ANKRD17: variants seen among roughly 807,000 people sequenced by gnomAD.
ANKRD17 encodes ankyrin repeat domain 17, also known as ankyrin repeat domain-containing protein 17.
In ANKRD17, 19 loss-of-function variants were observed where a neutral mutation model predicts 229.7. That is an observed-to-expected ratio of 0.08 (90% confidence interval 0.06 to 0.12). ANKRD17 has a LOEUF of 0.12. Ranked by LOEUF, ANKRD17 falls within the 10% of genes least tolerant of loss-of-function variation. The pLI is 1.00. For missense variants in ANKRD17, 2,176 were observed against 3,176.8 expected, an observed-to-expected ratio of 0.68 and a Z score of 7.57; for synonymous variants, 1,112 against 1,146.1, an observed-to-expected ratio of 0.97 and a Z score of 0.60.
intron 1 of ANKRD17, among the ~76,000 whole-genome samples, chr4:73,247,502 A>G (rs1744605431): frequency 6.6e-6 from 1 of 152,112 alleles, no homozygotes; most frequent in Non-Finnish European, 1.5e-5. Context: ...GAACATTTAT[A>G]TTATGGAACA....
In ANKRD17 at chr4:73,074,084, T is replaced by C. The variant is rs1720865201; in HGVS notation, c.*2147A>G. On this transcript the variant is annotated 3_prime_UTR_variant, in exon 34 of 34. Coordinates refer to ENST00000358602, the MANE Select transcript of ANKRD17 (RefSeq NM_032217.5). ...AGTACAGACTTCTAAAACCATGGTA[T>C]TGTACTAAACAAGCCTGATCCCCAA... The C allele has an allele frequency of 6.6e-6, 1 of 151,990 alleles. No homozygotes were observed. The highest frequency in any genetic ancestry group is 2.1e-4 in the South Asian group (1 of 4,828). The allele number at this position is 151,990 out of a possible 1,614,324, so 9.4% of individuals were successfully genotyped here.
Position 73,154,770 on chromosome 4 carries a change from G to A in ANKRD17, c.1001-657C>T, listed in dbSNP as rs1003674196. Among the ~76,000 whole-genome samples, 9 of 152,082 alleles carry A rather than the reference G, an allele frequency of 5.9e-5. 1 individual carries two copies. The South Asian group carries it at 6.2e-4, about 10-fold the overall frequency. ...AAACATTTAATAACGGGCCGGGCGCGGTGGCTCACGCCTGTAATCCCAGCA... is the reference window on the plus strand; with the variant it reads ...AAACATTTAATAACGGGCCGGGCGCAGTGGCTCACGCCTGTAATCCCAGCA... On this transcript the variant is annotated intron_variant, in intron 5 of 33. Transcript: ENST00000358602.
intron 16 of ANKRD17, among the ~76,000 whole-genome samples, chr4:73,132,092 T>C (rs970372909): frequency 1.3e-5 from 2 of 151,898 alleles, no homozygotes; most frequent in Non-Finnish European, 2.9e-5. Flanking sequence ...ATTACCTGCT[T>C]GATATAAAAA....
intron 11 of ANKRD17, among the ~76,000 whole-genome samples, chr4:73,144,099 G>A (rs1463995642): frequency 6.6e-6 from 1 of 152,094 alleles, no homozygotes; most frequent in Non-Finnish European, 1.5e-5. Context: ...TTATACTTAA[G>A]AATATGATGA....
chr4:73,107,485 A>G (rs1354089540), intron 24 of ANKRD17, among the ~76,000 whole-genome samples: 1 of 152,226 alleles, frequency 6.6e-6, no homozygotes, highest in Non-Finnish European at 1.5e-5. Flanking sequence ...TGCATACATT[A>G]TAGTTTGTTA....
At chr4:73,142,814 C>T (rs1729777820) in intron 11 of ANKRD17, 47 bp from the exon 12 acceptor site, 2 of 1,557,180 alleles carry the variant, frequency 1.3e-6, no homozygotes, top group African/African-American at 2.8e-5. Context: ...AATGGTTTTT[C>T]TTAAAATTAT....
At chr4:73,139,283 GA>G (rs1729311951) in intron 15 of ANKRD17, among the ~76,000 whole-genome samples, 1 of 152,060 alleles carries the variant, frequency 6.6e-6, no homozygotes, top group South Asian at 2.1e-4. Context: ...CCCCACTACT[GA>G]AAAACCTAGA....
chr4:73,108,477 A>G (rs1183861399), intron 24 of ANKRD17, among the ~76,000 whole-genome samples: 2 of 152,188 alleles, frequency 1.3e-5, no homozygotes, highest in Non-Finnish European at 2.9e-5. Flanking sequence ...GCTAAAAGGT[A>G]GGGGAGAAGA....
rs1449494751 is a variant in ANKRD17, at chr4:73,161,200, C to T, written c.696G>A (p.Gln232=). The change falls in exon 3 of 34, where the codon CAG becomes CAA. Residue 232 remains glutamine, a synonymous_variant. Coordinates refer to ENST00000358602, the MANE Select transcript of ANKRD17 (RefSeq NM_032217.5). ...AGCAAAAATGTACTTACTTGTCCGA[C>T]TGCCCTGCATTTGCTGTGCTTTCAG... ...MRAESTANAG[Q]SDNRSLAEAC... is the part of the protein sequence containing the mutation. 1 of 1,612,646 alleles carries T rather than the reference C, an allele frequency of 6.2e-7. No individual in the cohort carries two copies. Among genetic ancestry groups the T allele is most frequent in the East Asian group, 2.2e-5 (1 of 44,890 alleles).
At chr4:73,127,786 T>C (rs1226453440) in intron 16 of ANKRD17, among the ~76,000 whole-genome samples, 2 of 152,240 alleles carry the variant, frequency 1.3e-5, no homozygotes, top group Non-Finnish European at 2.9e-5. Context: ...CACATTGTAT[T>C]TGTAGAATGT....
chr4:73,118,605 T>C (rs1726292361), intron 22 of ANKRD17, 83 bp downstream of exon 22: 2 of 1,467,342 alleles, frequency 1.4e-6, no homozygotes, highest in Non-Finnish European at 1.9e-6. Flanking sequence ...AAGCACAAAA[T>C]GAGTCTTTAG....
intron 1 of ANKRD17, among the ~76,000 whole-genome samples, chr4:73,257,930 T>A (rs1189997114): frequency 2.0e-5 from 3 of 152,012 alleles, no homozygotes; most frequent in Admixed American, 6.6e-5. Flanking sequence ...CGCCTCAGAC[T>A]AAGGTGGCCC....
chr4:73,105,959 T>C (rs1724560071), intron 24 of ANKRD17, among the ~76,000 whole-genome samples: 1 of 152,168 alleles, frequency 6.6e-6, no homozygotes, highest in Non-Finnish European at 1.5e-5. Flanking sequence ...AAAGAGTAAC[T>C]AAACCATGAA....
intron 27 of ANKRD17, 122 bp from the exon 28 acceptor site, chr4:73,094,350 C>T: frequency 1.1e-6 from 1 of 891,986 alleles, no homozygotes; most frequent in Non-Finnish European, 1.7e-6. Flanking sequence ...GTTGAATAAG[C>T]CTCTTCTATT....
chr4:73,134,757 C>A (rs977159071), intron 16 of ANKRD17, among the ~76,000 whole-genome samples: 5 of 151,978 alleles, frequency 3.3e-5, no homozygotes, highest in South Asian at 2.1e-4. Context: ...ATGTTAGAAC[C>A]TTTTTTCTTT....
chr4:73,080,451 C>A (rs1215099314), intron 30 of ANKRD17, among the ~76,000 whole-genome samples: 1 of 152,114 alleles, frequency 6.6e-6, no homozygotes, highest in Non-Finnish European at 1.5e-5. Flanking sequence ...TAGCTAAAGA[C>A]CAAATAAAAC....
At chr4:73,242,504 A>C (rs980060472) in intron 1 of ANKRD17, among the ~76,000 whole-genome samples, 2 of 152,208 alleles carry the variant, frequency 1.3e-5, no homozygotes, top group Admixed American at 1.3e-4. Flanking sequence ...CCGAATGGGA[A>C]TATTCAGTAT....
intron 30 of ANKRD17, among the ~76,000 whole-genome samples, chr4:73,081,078 C>G (rs1452568360): frequency 3.3e-5 from 5 of 152,254 alleles, no homozygotes; most frequent in African/African-American, 1.2e-4. Context: ...TGCTCCCTCT[C>G]TGCACAACTA....
At chr4:73,217,115 C>T (rs201297230) in intron 1 of ANKRD17, among the ~76,000 whole-genome samples, 1 of 152,172 alleles carries the variant, frequency 6.6e-6, no homozygotes, top group African/African-American at 2.4e-5. Context: ...ATGATGTAGA[C>T]CTTTTCTAAT....
Sources: gnomAD v4.1 joint callset for allele counts (sites outside exome capture counted in the v4.1 genomes callset) on GRCh38, gnomAD v4.1.1 for gene constraint, MANE v1.5 for transcripts, NCBI Gene and HGNC (gene_info 2026-07-23, HGNC 2026-07-21) for gene names.